Variants in KCTD20 observed in about 807,000 individuals in gnomAD.
KCTD20 encodes the protein BTB/POZ domain-containing protein KCTD20.
In KCTD20, 30 loss-of-function variants were observed where a neutral mutation model predicts 39.6. That is an observed-to-expected ratio of 0.76 (90% CI 0.57 to 1.03). The LOEUF (loss-of-function observed/expected upper bound fraction) is 1.03. Among genes scored for constraint, KCTD20 ranks in the 50% least tolerant of loss-of-function variants. The pLI is 0.00. For missense variants in KCTD20, 422 were observed against 522.0 expected, an observed-to-expected ratio of 0.81 and a Z score of 1.87; for synonymous variants, 162 against 180.6, an observed-to-expected ratio of 0.90 and a Z score of 0.83.
intron 2 of KCTD20, among the ~76,000 whole-genome samples, chr6:36,471,707 C>CT (rs1367787140): frequency 6.6e-6 from 1 of 152,170 alleles, no homozygotes; most frequent in African/African-American, 2.4e-5. Context: ...TGCAAGGAGT[C>CT]TGTTTTCCTA....
chr6:36,463,313 G>C (rs6905347), intron 1 of KCTD20, among the ~76,000 whole-genome samples: 38,999 of 152,040 alleles, frequency 0.26, 5,466 homozygotes, highest in East Asian at 0.39. Flanking sequence ...TGAGGAATAT[G>C]TGTATGAACT....
chr6:36,477,900 T>C (rs552767979), intron 3 of KCTD20, among the ~76,000 whole-genome samples: 2 of 150,360 alleles, frequency 1.3e-5, no homozygotes, highest in South Asian at 4.2e-4. Context: ...GGTCAGGAGA[T>C]CGAGACCACG....
chr6:36,480,252 G>C (rs2127453319), intron 5 of KCTD20, among the ~76,000 whole-genome samples: 1 of 152,218 alleles, frequency 6.6e-6, no homozygotes, highest in Non-Finnish European at 1.5e-5. Context: ...TTTCTAAATG[G>C]AGCCTGACCA....
chr6:36,478,094 CAA>C (rs1301151019), intron 3 of KCTD20, among the ~76,000 whole-genome samples: 1 of 87,652 alleles, frequency 1.1e-5, no homozygotes, highest in Admixed American at 1.4e-4. Context: ...AACTCCATCT[CAA>C]AAAAAAAAAG....
In KCTD20 at chr6:36,470,618, T is replaced by C. The variant is rs1582343954; in HGVS notation, c.160+361T>C. Among the ~76,000 whole-genome samples the C allele has an allele frequency of 2.0e-5, 3 of 152,132 alleles. No individual in the cohort carries two copies. The South Asian group carries it at 6.2e-4, about 32-fold the overall frequency. On this transcript the variant is annotated intron_variant, in intron 2 of 7. Transcript: ENST00000373731. The stretch of plus-strand genomic sequence containing the variant: ...TTATTTTTTATTTTTATTTTTATTT[T>C]TTGAGATGGGGTCTCACTCTTCACC...
intron 1 of KCTD20, among the ~76,000 whole-genome samples, chr6:36,445,507 G>A (rs188688075): frequency 6.6e-6 from 1 of 152,234 alleles, no homozygotes; most frequent in Admixed American, 6.5e-5. Flanking sequence ...CTTCCTGATT[G>A]TTGTGTCTTC....
At chr6:36,462,100 C>G (rs1483328393) in intron 1 of KCTD20, among the ~76,000 whole-genome samples, 1 of 152,136 alleles carries the variant, frequency 6.6e-6, no homozygotes, top group Non-Finnish European at 1.5e-5. Context: ...TTCACCAACT[C>G]TCTTTTGGGT....
intron 1 of KCTD20, among the ~76,000 whole-genome samples, chr6:36,464,742 G>C (rs903694066): frequency 1.3e-5 from 2 of 152,116 alleles, no homozygotes; most frequent in African/African-American, 2.4e-5. Context: ...CATGCATAAA[G>C]AAAAAGCACA....
intron 6 of KCTD20, among the ~76,000 whole-genome samples, chr6:36,482,013 TTCTTC>T (rs1025696779): frequency 1.3e-5 from 2 of 152,210 alleles, no homozygotes; most frequent in African/African-American, 4.8e-5. Flanking sequence ...GATGGTGTCA[TTCTTC>T]TCTTAATTCA....
chr6:36,486,465 G>A (rs895505948), intron 7 of KCTD20, among the ~76,000 whole-genome samples: 1 of 151,888 alleles, frequency 6.6e-6, no homozygotes, highest in African/African-American at 2.4e-5. Context: ...TTTTCTTTAG[G>A]CTAAACATTC....
chr6:36,451,994 A>G lies in KCTD20; in HGVS notation c.-47+8883A>G, dbSNP rs1350361151. ...CCCAGCTAATTTTTGTATTTTTAGT[A>G]GAGACAGGGTTTCGCCATGTTGACC... On this transcript the variant is annotated intron_variant, in intron 1 of 7. Coordinates refer to ENST00000373731, the MANE Select transcript of KCTD20 (RefSeq NM_173562.5). Among the ~76,000 whole-genome samples the G allele has an allele frequency of 1.1e-4, 17 of 152,234 alleles. No homozygotes were observed. In the East Asian group the frequency reaches 3.1e-3, roughly 28 times the overall value.
At chr6:36,461,312 A>T (rs991323572) in intron 1 of KCTD20, among the ~76,000 whole-genome samples, 5 of 152,094 alleles carry the variant, frequency 3.3e-5, no homozygotes, top group African/African-American at 9.7e-5. Flanking sequence ...GAACTTTTTT[A>T]AAAAAGTACT....
At chr6:36,466,777 A>G (rs1561950554) in intron 1 of KCTD20, among the ~76,000 whole-genome samples, 1 of 152,014 alleles carries the variant, frequency 6.6e-6, no homozygotes, top group Non-Finnish European at 1.5e-5. Context: ...AGGGTAGGCA[A>G]TGAAAATATC....
At chr6:36,444,167 A>G (rs1774965441) in intron 1 of KCTD20, among the ~76,000 whole-genome samples, 1 of 152,130 alleles carries the variant, frequency 6.6e-6, no homozygotes, top group Admixed American at 6.5e-5. Flanking sequence ...TGGGTCCCTG[A>G]GTCTGGGATT....
chr6:36,470,140 CAG>C lies in KCTD20; in HGVS notation c.44_45del (p.Gln15ArgfsTer8), dbSNP rs776587565. On this transcript the variant is annotated frameshift_variant, in exon 2 of 8. Coordinates refer to ENST00000373731, the MANE Select transcript of KCTD20 (RefSeq NM_173562.5). LOFTEE classifies it high-confidence loss of function. ...RGSDSDRLLR[Q>X]EASCLVDDTL... Reference sequence around the variant, plus strand: ...CAGTGACAGTGACAGGTTATTGCGGCAGGAGGCCAGCTGCTTAGTGGATGATA... The same window carrying C: ...CAGTGACAGTGACAGGTTATTGCGGCGAGGCCAGCTGCTTAGTGGATGATA... The C allele has an allele frequency of 2.0e-5, 33 of 1,613,810 alleles. No homozygotes were observed. Among genetic ancestry groups the C allele is most frequent in the African/African-American group, 4.0e-5 (3 of 74,910 alleles).
At chr6:36,485,192 T>C (rs1291425908) in intron 7 of KCTD20, among the ~76,000 whole-genome samples, 4 of 152,092 alleles carry the variant, frequency 2.6e-5, no homozygotes, top group South Asian at 2.1e-4. Context: ...AAAAAATAGC[T>C]TGGGGACTCA....
At chr6:36,444,361 G>C (rs1276968826) in intron 1 of KCTD20, among the ~76,000 whole-genome samples, 1 of 152,230 alleles carries the variant, frequency 6.6e-6, no homozygotes. Flanking sequence ...CTCTCCAGAA[G>C]CCAATATGAG....
At position 36,485,374 on chromosome 6, in the gene KCTD20, A is replaced by G. The variant is rs190645898; in HGVS notation, c.967+550A>G. On this transcript the variant is annotated intron_variant, in intron 7 of 7. Coordinates refer to ENST00000373731, the MANE Select transcript of KCTD20 (RefSeq NM_173562.5). ...AATGTCTGAATATATTAACAGAACT[A>G]CTTTGAATGATCTTGAGCAGTGGCT... Among the ~76,000 whole-genome samples the G allele has an allele frequency of 3.1e-3, 467 of 152,052 alleles. 1 individual carries two copies. The highest frequency in any genetic ancestry group is 0.011 in the African/African-American group (439 of 41,480).
chr6:36,473,011 C>T (rs1719717546), intron 2 of KCTD20, among the ~76,000 whole-genome samples: 1 of 151,940 alleles, frequency 6.6e-6, no homozygotes, highest in Non-Finnish European at 1.5e-5. Flanking sequence ...AGAGATTCTC[C>T]TGCCTCAGCC....
Sources: allele counts gnomAD v4.1 joint callset (sites outside exome capture counted in the v4.1 genomes callset), GRCh38; gene constraint gnomAD v4.1.1; transcripts MANE v1.5; gene names NCBI Gene and HGNC (gene_info 2026-07-23, HGNC 2026-07-21).